The following ATP10B variants were observed in gnomAD, a reference collection of about 807,000 sequenced individuals.
ATP10B encodes phospholipid-transporting ATPase VB.
Under a neutral mutation model 141.2 loss-of-function variants are expected in ATP10B, and 122 were observed. The observed-to-expected ratio is 0.86, with a 90% CI of 0.75 to 1.00. ATP10B has a LOEUF of 1.00. Among genes scored for constraint, ATP10B ranks in the 50% least tolerant of loss-of-function variants. The probability of loss-of-function intolerance (pLI) is 0.00; values close to 1 mark genes in which losing one functional copy is unlikely to be tolerated. For missense variants in ATP10B, 1,876 were observed against 1,825.3 expected (o/e 1.03, Z -0.51); for synonymous variants, 685 against 692.0 (o/e 0.99, Z 0.16).
the ATP10B span, among the ~76,000 whole-genome samples, chr5:160,877,978 A>G: frequency 3.3e-5 from 5 of 151,910 alleles, no homozygotes; most frequent in African/African-American, 1.2e-4. Flanking sequence ...TATAGATTCA[A>G]TGCCATCCCC....
At chr5:160,671,066 G>C (rs1458717441) in intron 6 of ATP10B, among the ~76,000 whole-genome samples, 4 of 150,250 alleles carry the variant, frequency 2.7e-5, no homozygotes, top group Non-Finnish European at 4.4e-5. Flanking sequence ...TCGGGAGGCT[G>C]AGGCAGGAGA....
chr5:160,796,205 T>TAC (rs1310183142), intron 1 of ATP10B, among the ~76,000 whole-genome samples: 2 of 152,198 alleles, frequency 1.3e-5, no homozygotes, highest in African/African-American at 4.8e-5. Context: ...TGGCCACCGC[T>TAC]ACTTCTCCCT....
chr5:160,788,334 A>G (rs1000890265), intron 1 of ATP10B, among the ~76,000 whole-genome samples: 2 of 152,174 alleles, frequency 1.3e-5, no homozygotes, highest in Non-Finnish European at 2.9e-5. Context: ...GTCCCACTAC[A>G]TGGTTAAACC....
chr5:160,691,741 G>A (rs1477280), intron 3 of ATP10B: 35,676 of 151,948 alleles, frequency 0.23, 5,067 homozygotes, highest in East Asian at 0.69. Context: ...CATAGCTTTC[G>A]TCAATCCAAC....
intron 2 of ATP10B, among the ~76,000 whole-genome samples, chr5:160,727,996 GATA>G (rs1395310715): frequency 6.6e-6 from 1 of 152,164 alleles, no homozygotes; most frequent in African/African-American, 2.4e-5. Context: ...GTTTCACACT[GATA>G]ATGTCATTAC....
At chr5:160,864,665 C>G in the ATP10B span, among the ~76,000 whole-genome samples, 2 of 151,670 alleles carry the variant, frequency 1.3e-5, no homozygotes, top group African/African-American at 4.8e-5. Context: ...GATTGTATAC[C>G]TAGAAAACCT....
At chr5:160,701,938 C>T (rs1008564860) in intron 3 of ATP10B, among the ~76,000 whole-genome samples, 47 of 151,462 alleles carry the variant, frequency 3.1e-4, no homozygotes, top group African/African-American at 9.7e-4. Context: ...ACCCCTCTCC[C>T]GAGGGCCTCT....
chr5:160,840,420 A>C (rs1050725804), intron 1 of ATP10B, among the ~76,000 whole-genome samples: 3 of 152,132 alleles, frequency 2.0e-5, no homozygotes, highest in African/African-American at 7.2e-5. Flanking sequence ...ATAGAAATCT[A>C]GTATATTAAA....
At chr5:160,673,747 C>T (rs966316017) in intron 6 of ATP10B, among the ~76,000 whole-genome samples, 11 of 151,788 alleles carry the variant, frequency 7.2e-5, no homozygotes, top group African/African-American at 2.4e-4. Flanking sequence ...TCAAACACCT[C>T]GTGGTCTCTC....
chr5:160,813,941 A>G (rs1386595892), intron 1 of ATP10B, among the ~76,000 whole-genome samples: 1 of 152,198 alleles, frequency 6.6e-6, no homozygotes, highest in Non-Finnish European at 1.5e-5. Flanking sequence ...TAGAAGGAAA[A>G]CTAACAAACA....
At chr5:160,642,686 C>T (rs1454537520) in intron 9 of ATP10B, among the ~76,000 whole-genome samples, 3 of 152,202 alleles carry the variant, frequency 2.0e-5, no homozygotes, top group Non-Finnish European at 4.4e-5. Context: ...CAACTGGTAT[C>T]TTCTTTCTCA....
At chr5:160,805,679 G>A (rs1028885531) in intron 1 of ATP10B, among the ~76,000 whole-genome samples, 83 of 152,244 alleles carry the variant, frequency 5.5e-4, no homozygotes, top group Middle Eastern at 3.4e-3. Context: ...GCATTTACAC[G>A]GTGTGGGCAG....
At chr5:160,802,447 G>T (rs1772438104) in intron 1 of ATP10B, among the ~76,000 whole-genome samples, 1 of 152,192 alleles carries the variant, frequency 6.6e-6, no homozygotes, top group Non-Finnish European at 1.5e-5. Flanking sequence ...AGGCATTTTT[G>T]GTTGTCGCAC....
At chr5:160,878,759 T>G in the ATP10B span, among the ~76,000 whole-genome samples, 1 of 152,182 alleles carries the variant, frequency 6.6e-6, no homozygotes, top group South Asian at 2.1e-4. Flanking sequence ...ACAAGACATT[T>G]ATGCAGCCAA....
Position 160,620,899 on chromosome 5 carries a change from G to T in ATP10B, c.1864C>A (p.Gln622Lys). 6.2e-7 allele frequency: 1 copy of T among 1,614,180 alleles called. No homozygotes were observed. The highest frequency in any genetic ancestry group is 2.2e-5 in the East Asian group (1 of 44,886). ...KALGTSLEKI[Q>K]QLFQKLKLLS... ...AGCTTCAACTTCTGGAAGAGCTGCT[G>T]AATCTTCTCCAGGGACGTCCCCAGA... The change falls in exon 15 of 26, where the codon CAG becomes AAG. Residue 622 changes from glutamine (Q) to lysine (K), a missense_variant. By Grantham distance (53) the Gln-to-Lys change is moderately conservative (BLOSUM62 1). Coordinates refer to ENST00000327245, the MANE Select transcript of ATP10B (RefSeq NM_025153.3).
chr5:160,923,002 G>T, the ATP10B span, among the ~76,000 whole-genome samples: 1 of 152,218 alleles, frequency 6.6e-6, no homozygotes, highest in Non-Finnish European at 1.5e-5. Flanking sequence ...TATTTGTTTG[G>T]AAGACTTTTC....
chr5:160,740,854 C>A (rs1581445278), intron 2 of ATP10B, among the ~76,000 whole-genome samples: 1 of 152,150 alleles, frequency 6.6e-6, no homozygotes, highest in Non-Finnish European at 1.5e-5. Flanking sequence ...TTTGACTGAC[C>A]TCCATCCCCA....
rs531630494 is a variant in ATP10B, at chr5:160,685,626, T to A, written c.470+453A>T. Among the ~76,000 whole-genome samples the A allele has an allele frequency of 4.6e-5, 7 of 152,060 alleles. No homozygotes were observed. In the East Asian group the frequency reaches 9.7e-4, roughly 21 times the overall value. On this transcript the variant is annotated intron_variant, in intron 6 of 25. Transcript: ENST00000327245. The stretch of plus-strand genomic sequence containing the variant: ...ACACTGCCTGACATCCTCCAAAGAG[T>A]TTCTCCTGAACTTAGTCTCCCAAGA...
intron 22 of ATP10B, among the ~76,000 whole-genome samples, chr5:160,596,218 G>A (rs28762753): frequency 7.2e-5 from 11 of 152,110 alleles, no homozygotes; most frequent in African/African-American, 2.7e-4. Flanking sequence ...CTCATCCCTG[G>A]GATGCAAGGC....
Sources: gnomAD v4.1 joint callset for allele counts (sites outside exome capture counted in the v4.1 genomes callset) on GRCh38, gnomAD v4.1.1 for gene constraint, MANE v1.5 for transcripts, NCBI Gene and HGNC (gene_info 2026-07-23, HGNC 2026-07-21) for gene names.